Variants in BCL2L11 observed in about 807,000 individuals in gnomAD.
BCL2L11 encodes the protein bcl-2-like protein 11.
BCL2L11 carries 15 observed loss-of-function variants against 20.6 expected under a neutral mutation model. The observed-to-expected ratio is 0.73, with a 90% CI of 0.49 to 1.12. The LOEUF is 1.12. Among genes scored for constraint, BCL2L11 ranks in the 50% most tolerant of loss-of-function variants. BCL2L11 has a pLI of 0.00. For synonymous variants in BCL2L11, 108 were observed against 92.8 expected, an observed-to-expected ratio of 1.16 and a Z score of -0.94; for missense variants, 292 against 260.9, an observed-to-expected ratio of 1.12 and a Z score of -0.82.
intron 3 of BCL2L11, among the ~76,000 whole-genome samples, chr2:111,159,275 C>G (rs147002171): frequency 1.3e-5 from 2 of 152,362 alleles, no homozygotes; most frequent in Non-Finnish European, 2.9e-5. Flanking sequence ...CTGCCACTGT[C>G]TTCAGCTGCA....
At position 111,164,372 on chromosome 2, in the gene BCL2L11, A is replaced by C. The variant is rs1429407072; in HGVS notation, c.*141A>C. The stretch of plus-strand genomic sequence containing the variant: ...GGGGGCAGGTGACGTTTCAGAAGAC[A>C]CCGAGCTGGATGGGACTACCTTTCT... On this transcript the variant is annotated 3_prime_UTR_variant, in exon 4 of 4. Coordinates refer to ENST00000393256, the MANE Select transcript of BCL2L11 (RefSeq NM_138621.5). The C allele has an allele frequency of 1.6e-6, 1 of 641,944 alleles. No homozygotes were observed. The highest frequency in any genetic ancestry group is 2.9e-6 in the Non-Finnish European group (1 of 349,712). The allele number at this position is 641,944 out of a possible 1,614,324, so 39.8% of individuals were successfully genotyped here.
chr2:111,144,567 C>T, intron 2 of BCL2L11: 4 of 1,529,050 alleles, frequency 2.6e-6, no homozygotes, highest in Non-Finnish European at 2.7e-6. Context: ...TTGCTTCCCT[C>T]CTCTTGTAAG....
intron 2 of BCL2L11, chr2:111,142,398 A>G: frequency 3.2e-6 from 5 of 1,549,342 alleles, no homozygotes; most frequent in Non-Finnish European, 3.5e-6. Flanking sequence ...CAAGGTGAAA[A>G]GTTTTTCTTT....
intron 3 of BCL2L11, among the ~76,000 whole-genome samples, chr2:111,158,569 TTAAA>T (rs1200407542): frequency 1.3e-5 from 2 of 151,138 alleles, no homozygotes; most frequent in Non-Finnish European, 2.9e-5. Context: ...ATATAAACAC[TTAAA>T]TATATATAAA....
At chr2:111,151,778 G>T in intron 3 of BCL2L11, 1 of 1,434,526 alleles carries the variant, frequency 7.0e-7, no homozygotes, top group Non-Finnish European at 9.6e-7. Context: ...AATGGGAAGT[G>T]TGACATTGAT....
intron 2 of BCL2L11, among the ~76,000 whole-genome samples, chr2:111,129,215 C>T (rs953951200): frequency 6.6e-6 from 1 of 152,208 alleles, no homozygotes; most frequent in Non-Finnish European, 1.5e-5. Flanking sequence ...CATGCTTTCT[C>T]AGCACCTTCA....
chr2:111,126,561 G>C (rs1226679565), intron 2 of BCL2L11, among the ~76,000 whole-genome samples: 1 of 152,042 alleles, frequency 6.6e-6, no homozygotes, highest in Non-Finnish European at 1.5e-5. Flanking sequence ...GACTTAGCCA[G>C]ATGTGAGTTT....
At chr2:111,143,005 T>C (rs930095564) in intron 2 of BCL2L11, among the ~76,000 whole-genome samples, 1 of 152,238 alleles carries the variant, frequency 6.6e-6, no homozygotes, top group African/African-American at 2.4e-5. Context: ...TTGGGTAGTT[T>C]ACCTCGTCAG....
intron 3 of BCL2L11, among the ~76,000 whole-genome samples, chr2:111,162,204 A>G (rs573909592): frequency 2.0e-5 from 3 of 152,150 alleles, no homozygotes; most frequent in African/African-American, 7.2e-5. Context: ...GGCTCTTTGA[A>G]TCCGTGGTAA....
At position 111,155,382 on chromosome 2, in the gene BCL2L11, C is replaced by G. The variant is rs567630392; in HGVS notation, c.498+5235C>G. Among the ~76,000 whole-genome samples the G allele has an allele frequency of 2.6e-5, 4 of 152,258 alleles. No individual in the cohort carries two copies. The East Asian group carries it at 7.7e-4, about 29-fold the overall frequency. On this transcript the variant is annotated intron_variant, in intron 3 of 3. Coordinates refer to ENST00000393256, the MANE Select transcript of BCL2L11 (RefSeq NM_138621.5). ...CGCATGTACCGGTTCATCTGCTGGA[C>G]GCAGTGCCAGCAAGTGTAGATTGCG...
At chr2:111,161,152 T>C (rs1457818888) in intron 3 of BCL2L11, among the ~76,000 whole-genome samples, 6 of 152,090 alleles carry the variant, frequency 3.9e-5, no homozygotes, top group African/African-American at 1.2e-4. Flanking sequence ...CTTAATCACC[T>C]TATTGATGAC....
chr2:111,129,357 C>G (rs949536066), intron 2 of BCL2L11, among the ~76,000 whole-genome samples: 1 of 152,036 alleles, frequency 6.6e-6, no homozygotes, highest in African/African-American at 2.4e-5. Context: ...AGAGAAAGTG[C>G]TAGAAGAGAA....
Position 111,121,020 on chromosome 2 carries a change from C to A in BCL2L11, c.-182C>A. On this transcript the variant is annotated 5_prime_UTR_variant, in exon 1 of 4. Coordinates refer to ENST00000393256, the MANE Select transcript of BCL2L11 (RefSeq NM_138621.5). Reference sequence around the variant, plus strand: ...GCCGCCGCCGCCGCCGCCGCCGCCGCCACTACCACCACTTGATTCTTGCAG... The same window carrying A: ...GCCGCCGCCGCCGCCGCCGCCGCCGACACTACCACCACTTGATTCTTGCAG... 5.0e-6 allele frequency: 2 copies of A among 401,562 alleles called. No homozygotes were observed. The highest frequency in any genetic ancestry group is 3.8e-5 in the South Asian group (1 of 26,458). 24.9% of individuals were successfully genotyped at this position (401,562 alleles called of 1,614,324 possible). A position where few individuals can be genotyped will look rare whatever the true frequency, so the allele number is the denominator to read the frequency against.
chr2:111,161,082 T>C (rs916109713), intron 3 of BCL2L11, among the ~76,000 whole-genome samples: 5 of 152,194 alleles, frequency 3.3e-5, no homozygotes, highest in African/African-American at 9.6e-5. Flanking sequence ...TTCTGTGTCC[T>C]GATTGTCTCT....
At chr2:111,134,289 T>C (rs1559036317) in intron 2 of BCL2L11, among the ~76,000 whole-genome samples, 2 of 152,182 alleles carry the variant, frequency 1.3e-5, no homozygotes, top group South Asian at 2.1e-4. Context: ...TTCGTTTTGA[T>C]ATGTTTATGG....
intron 3 of BCL2L11, among the ~76,000 whole-genome samples, chr2:111,152,356 G>A (rs904486625): frequency 6.6e-6 from 1 of 152,226 alleles, no homozygotes; most frequent in African/African-American, 2.4e-5. Context: ...CTGCTGCCAA[G>A]AGCTCTGGGT....
intron 3 of BCL2L11, among the ~76,000 whole-genome samples, chr2:111,154,166 A>C (rs1195157474): frequency 6.6e-6 from 1 of 152,168 alleles, no homozygotes; most frequent in African/African-American, 2.4e-5. Context: ...ATTTCAGAAA[A>C]AACTACAGAC....
At chr2:111,140,548 C>G (rs962131934) in intron 2 of BCL2L11, among the ~76,000 whole-genome samples, 7 of 152,156 alleles carry the variant, frequency 4.6e-5, no homozygotes, top group African/African-American at 1.7e-4. Context: ...TGAGGTGAGC[C>G]AAGCTCGATA....
intron 2 of BCL2L11, among the ~76,000 whole-genome samples, chr2:111,129,345 G>T (rs2073396040): frequency 6.6e-6 from 1 of 151,988 alleles, no homozygotes. Context: ...TCCTAAGTGG[G>T]GAGAGAAAGT....
Sources: gnomAD v4.1 joint callset for allele counts (sites outside exome capture counted in the v4.1 genomes callset) on GRCh38, gnomAD v4.1.1 for gene constraint, MANE v1.5 for transcripts, NCBI Gene and HGNC (gene_info 2026-07-23, HGNC 2026-07-21) for gene names.